Variants in NRSN1 observed in about 807,000 individuals in gnomAD.
NRSN1 encodes the protein neurensin 1.
Under a neutral mutation model 17.3 loss-of-function variants are expected in NRSN1, and 14 were observed. The observed-to-expected ratio is 0.81, with a 90% CI of 0.54 to 1.27. The LOEUF (loss-of-function observed/expected upper bound fraction) is 1.27, where lower values mean the gene tolerates loss of function less well. NRSN1 is among the 50% of genes most tolerant of loss of function. The probability of loss-of-function intolerance (pLI) is 0.00; values close to 1 mark genes in which losing one functional copy is unlikely to be tolerated. For synonymous variants in NRSN1, 79 were observed against 94.2 expected, an observed-to-expected ratio of 0.84 and a Z score of 0.93; for missense variants, 209 against 235.9, an observed-to-expected ratio of 0.89 and a Z score of 0.75.
At chr6:24,133,646 A>G (rs1390154303) in intron 2 of NRSN1, among the ~76,000 whole-genome samples, 1 of 152,230 alleles carries the variant, frequency 6.6e-6, no homozygotes, top group Non-Finnish European at 1.5e-5. Context: ...TTGTCAAGGC[A>G]ATAAAAAATC....
At chr6:24,141,065 C>T in intron 3 of NRSN1, 6 of 1,445,966 alleles carry the variant, frequency 4.1e-6, no homozygotes, top group Non-Finnish European at 5.5e-6. Context: ...TTGGCCTTAC[C>T]ACCCTAAGGC....
At chr6:24,144,242 C>A (rs983319871) in intron 3 of NRSN1, among the ~76,000 whole-genome samples, 2 of 152,168 alleles carry the variant, frequency 1.3e-5, no homozygotes, top group African/African-American at 4.8e-5. Context: ...CATGACTTAC[C>A]CTCTCTGACG....
chr6:24,138,639 T>G (rs1760152333), intron 3 of NRSN1, among the ~76,000 whole-genome samples: 1 of 152,158 alleles, frequency 6.6e-6, no homozygotes, highest in Non-Finnish European at 1.5e-5. Context: ...CTCCACAGCC[T>G]TACAAACTGT....
intron 3 of NRSN1, among the ~76,000 whole-genome samples, chr6:24,136,736 A>T (rs1165138459): frequency 3.9e-5 from 6 of 152,228 alleles, no homozygotes; most frequent in Non-Finnish European, 5.9e-5. Flanking sequence ...TACCAACCCC[A>T]GAATTCATAT....
At chr6:24,139,804 C>G (rs543563644) in intron 3 of NRSN1, among the ~76,000 whole-genome samples, 1 of 152,132 alleles carries the variant, frequency 6.6e-6, no homozygotes, top group African/African-American at 2.4e-5. Context: ...TGCCTATAAT[C>G]CCAGAGGACT....
At chr6:24,142,602 G>T (rs1331369908) in intron 3 of NRSN1, among the ~76,000 whole-genome samples, 1 of 152,084 alleles carries the variant, frequency 6.6e-6, no homozygotes, top group Non-Finnish European at 1.5e-5. Flanking sequence ...TGGGATTACT[G>T]GCATGCCCCA....
At chr6:24,131,077 G>A (rs952915532) in intron 2 of NRSN1, among the ~76,000 whole-genome samples, 5 of 152,126 alleles carry the variant, frequency 3.3e-5, no homozygotes, top group East Asian at 1.9e-4. Context: ...AAAGTAAGGC[G>A]CTTTGGAATT....
intron 2 of NRSN1, chr6:24,129,680 A>T (rs1411120000): frequency 2.6e-5 from 4 of 152,262 alleles, no homozygotes; most frequent in East Asian, 3.9e-4. Context: ...TTCCCTCCTC[A>T]TGTCTCTGGG....
Position 24,145,441 on chromosome 6 carries a change from A to C in NRSN1, c.190-107A>C. On this transcript the variant is annotated intron_variant, in intron 3 of 3. Coordinates refer to ENST00000378491, the MANE Select transcript of NRSN1 (RefSeq NM_080723.5). The surrounding 1 kb of genome is among the most constrained non-coding windows in gnomAD (Gnocchi z 4.4). ...TCCTGCAAATTTGGGGTAACTGGGAATATTCATTTCTCTCAAGAAACAAGA... is the reference window on the plus strand; with the variant it reads ...TCCTGCAAATTTGGGGTAACTGGGACTATTCATTTCTCTCAAGAAACAAGA... The C allele has an allele frequency of 4.1e-5, 30 of 732,882 alleles. No individual in the cohort carries two copies. Among genetic ancestry groups the C allele is most frequent in the Non-Finnish European group, 5.1e-5 (24 of 472,252 alleles). 45.4% of individuals were successfully genotyped at this position (732,882 alleles called of 1,614,324 possible).
rs1433914635 is a variant in NRSN1 at position 24,128,202 on chromosome 6, T to C, written c.-10+2T>C. On this transcript the variant is annotated splice_donor_variant, in intron 2 of 3. Coordinates refer to ENST00000378491, the MANE Select transcript of NRSN1 (RefSeq NM_080723.5). LOFTEE classifies it low-confidence loss of function (5UTR_SPLICE). ...AAGAAGAAAAAGAGGACTTCAAAGGTAGGACTCAAACCTTATCACATGTAG... is the reference window on the plus strand; with the variant it reads ...AAGAAGAAAAAGAGGACTTCAAAGGCAGGACTCAAACCTTATCACATGTAG... 2 of 152,130 alleles carry C rather than the reference T, an allele frequency of 1.3e-5. No homozygotes were observed. The highest frequency in any genetic ancestry group is 2.9e-5 in the Non-Finnish European group (2 of 68,010). The allele number at this position is 152,130 out of a possible 1,614,324, so 9.4% of individuals were successfully genotyped here.
intron 2 of NRSN1, among the ~76,000 whole-genome samples, chr6:24,133,719 G>A (rs1035823939): frequency 3.9e-5 from 6 of 152,184 alleles, no homozygotes; most frequent in African/African-American, 1.4e-4. Context: ...ATTTATGTGA[G>A]TTGTGCTGTT....
chr6:24,142,190 G>GTTTTTTTTTT (rs1554140614), intron 3 of NRSN1, among the ~76,000 whole-genome samples: 1 of 20,052 alleles, frequency 5.0e-5, no homozygotes. Context: ...ATACAGAACA[G>GTTTTTTTTTT]CTTTTTTTTT....
chr6:24,134,827 A>G lies in NRSN1; in HGVS notation c.189+311A>G, dbSNP rs186055184. Reference sequence around the variant, plus strand: ...AATTGAAGCCATCCATAGGCAAAACATTATATTCTTTCAGCCTTCCTTACA... The same window carrying G: ...AATTGAAGCCATCCATAGGCAAAACGTTATATTCTTTCAGCCTTCCTTACA... On this transcript the variant is annotated intron_variant, in intron 3 of 3. Coordinates refer to ENST00000378491, the MANE Select transcript of NRSN1 (RefSeq NM_080723.5). Among the ~76,000 whole-genome samples, 15 of 152,280 alleles carry G rather than the reference A, an allele frequency of 9.9e-5. No homozygotes were observed. The East Asian group carries it at 2.7e-3, about 27-fold the overall frequency.
chr6:24,131,670 A>G (rs1034281357), intron 2 of NRSN1, among the ~76,000 whole-genome samples: 1 of 152,160 alleles, frequency 6.6e-6, no homozygotes, highest in Non-Finnish European at 1.5e-5. Context: ...CTGGACTGAA[A>G]TTTGCATTAG....
chr6:24,139,590 A>T (rs1208600491), intron 3 of NRSN1, among the ~76,000 whole-genome samples: 1 of 152,132 alleles, frequency 6.6e-6, no homozygotes, highest in Non-Finnish European at 1.5e-5. Context: ...TGTTTGGGAC[A>T]TTTTTCTGTA....
intron 2 of NRSN1, among the ~76,000 whole-genome samples, chr6:24,133,009 C>T (rs1760060897): frequency 6.6e-6 from 1 of 152,164 alleles, no homozygotes; most frequent in Non-Finnish European, 1.5e-5. Flanking sequence ...TGACAATTCC[C>T]TTATTCAACA....
At position 24,145,870 on chromosome 6, in the gene NRSN1, C is replaced by T; in HGVS notation, c.512C>T (p.Ala171Val). The T allele has an allele frequency of 2.5e-6, 4 of 1,614,202 alleles. No individual in the cohort carries two copies. The highest frequency in any genetic ancestry group is 1.1e-5 in the South Asian group (1 of 91,084). Residue 171 changes from alanine (A) to valine (V), a missense_variant, in exon 4 of 4, where the codon GCT (alanine) becomes GTT (valine). Physicochemically the swap from Ala to Val is moderately conservative, Grantham distance 64. Transcript: ENST00000378491. This position sits in a 1 kb window ranked among gnomAD's most constrained non-coding sequence, Gnocchi z 4.4. ...IKAHTQPVTK[A>V]PGPGETKIPV... ...GCCCACACCCAGCCGGTTACAAAAG[C>T]TCCAGGGCCAGGGGAAACAAAGATT...
At chr6:24,141,895 T>C (rs1476628067) in intron 3 of NRSN1, among the ~76,000 whole-genome samples, 1 of 152,172 alleles carries the variant, frequency 6.6e-6, no homozygotes, top group East Asian at 1.9e-4. Context: ...CTCTTCAGAA[T>C]CTCAGAAACT....
intron 3 of NRSN1, among the ~76,000 whole-genome samples, chr6:24,137,608 T>C (rs1760136708): frequency 6.6e-6 from 1 of 152,076 alleles, no homozygotes; most frequent in African/African-American, 2.4e-5. Context: ...TGTATACATG[T>C]GCCATGTTGG....
Sources: gnomAD v4.1 joint callset for allele counts (sites outside exome capture counted in the v4.1 genomes callset) on GRCh38, gnomAD v4.1.1 for gene constraint, Gnocchi (gnomAD v3.1) non-coding constraint, MANE v1.5 for transcripts, NCBI Gene and HGNC (gene_info 2026-07-23, HGNC 2026-07-21) for gene names.